Variants in GBE1 observed in about 807,000 individuals in gnomAD.
GBE1 encodes the protein 1,4-alpha-glucan-branching enzyme.
Under a neutral mutation model 88.8 loss-of-function variants are expected in GBE1, and 70 were observed. That is an observed-to-expected ratio of 0.79 (90% confidence interval 0.65 to 0.96). GBE1 has a LOEUF of 0.96. GBE1 is among the 40% of genes least tolerant of loss of function. GBE1 has a pLI of 0.00. For synonymous variants in GBE1, 284 were observed against 300.1 expected (o/e 0.95, Z 0.56); for missense variants, 872 against 871.0 (o/e 1.00, Z -0.01).
At chr3:81,644,719 G>A (rs192705178) in intron 6 of GBE1, among the ~76,000 whole-genome samples, 1 of 152,284 alleles carries the variant, frequency 6.6e-6, no homozygotes, top group Non-Finnish European at 1.5e-5. Context: ...ACAAAGGTAA[G>A]AGAAGGGGAA....
At chr3:81,506,044 G>T (rs1393504105) in intron 14 of GBE1, among the ~76,000 whole-genome samples, 1 of 152,074 alleles carries the variant, frequency 6.6e-6, no homozygotes, top group African/African-American at 2.4e-5. Context: ...GACACTAAAA[G>T]CAAAAACTGA....
intron 1 of GBE1, among the ~76,000 whole-genome samples, chr3:81,712,763 G>A (rs913532937): frequency 4.6e-5 from 7 of 151,952 alleles, no homozygotes; most frequent in South Asian, 2.1e-4. Flanking sequence ...AAACCTGCAC[G>A]TTGTGCACAT....
intron 14 of GBE1, 77 bp downstream of exon 14, chr3:81,535,118 T>G: frequency 3.4e-5 from 1 of 29,240 alleles, no homozygotes; most frequent in Non-Finnish European, 5.0e-5. Flanking sequence ...AACCTTAGTC[T>G]TTTTTTTTTT....
At chr3:81,574,037 T>C (rs904153355) in intron 12 of GBE1, among the ~76,000 whole-genome samples, 7 of 152,224 alleles carry the variant, frequency 4.6e-5, no homozygotes, top group African/African-American at 1.7e-4. Flanking sequence ...GACATCATTA[T>C]GACTAAAAAA....
intron 14 of GBE1, among the ~76,000 whole-genome samples, chr3:81,525,276 CTA>C (rs1304231290): frequency 1.3e-5 from 2 of 151,928 alleles, no homozygotes; most frequent in African/African-American, 4.8e-5. Flanking sequence ...TTTTCTTCAT[CTA>C]TTGAGATAAT....
intron 2 of GBE1, among the ~76,000 whole-genome samples, chr3:81,693,046 T>C (rs1261841818): frequency 6.6e-6 from 1 of 152,196 alleles, no homozygotes. Flanking sequence ...AAATTCACTT[T>C]AGTCTCCTTT....
chr3:81,698,586 ACTTT>A, intron 2 of GBE1, among the ~76,000 whole-genome samples: 1 of 152,322 alleles, frequency 6.6e-6, no homozygotes, highest in Middle Eastern at 3.4e-3. Context: ...ATATTCAATA[ACTTT>A]CTTTCCTGTC....
intron 2 of GBE1, among the ~76,000 whole-genome samples, chr3:81,686,801 C>T (rs971790320): frequency 5.9e-5 from 9 of 151,958 alleles, no homozygotes; most frequent in East Asian, 1.9e-4. Context: ...CTAAAACATA[C>T]GCAAACCACA....
Position 81,649,837 on chromosome 3 carries a change from T to C in GBE1, c.514A>G (p.Asn172Asp). ...KYVVREGDNVNYDWIHWDPEH... is the reference protein window; with the variant it reads ...KYVVREGDNVDYDWIHWDPEH... ...GGATCCCAGTGTATCCAATCATAAT[T>C]CACATTATCACCTTCACGAACCACA... is the stretch of plus-strand genomic sequence containing the variant. The change falls in exon 4 of 16, where the codon AAT becomes GAT. Residue 172 changes from asparagine to aspartate, a missense_variant. Physicochemically the swap from Asn to Asp is conservative, Grantham distance 23. Transcript: ENST00000429644. 1 of 1,611,650 alleles carries C rather than the reference T, an allele frequency of 6.2e-7. No homozygotes were observed. Among genetic ancestry groups the C allele is most frequent in the Non-Finnish European group, 8.5e-7 (1 of 1,178,228 alleles).
At chr3:81,660,131 G>A (rs1230791811) in intron 3 of GBE1, among the ~76,000 whole-genome samples, 3 of 152,174 alleles carry the variant, frequency 2.0e-5, no homozygotes, top group Admixed American at 2.0e-4. Flanking sequence ...ATGACTATCA[G>A]TAAGAAGTAG....
Position 81,670,896 on chromosome 3 carries a change from A to G in GBE1, c.371T>C (p.Leu124Pro). 1 of 1,581,642 alleles carries G rather than the reference A, an allele frequency of 6.3e-7. No individual in the cohort carries two copies. The highest frequency in any genetic ancestry group is 8.6e-7 in the Non-Finnish European group (1 of 1,167,548). ...TTTATTCTGCTTTGGTGGGATATAC[A>G]GCTCCCATTTTCCATAATCCAGTTT... ...YKKLDYGKWE[L>P]YIPPKQNKSV... Residue 124 changes from leucine (L) to proline (P), a missense_variant, in exon 3 of 16, where the codon CTG becomes CCG. Coordinates refer to ENST00000429644, the MANE Select transcript of GBE1 (RefSeq NM_000158.4).
intron 1 of GBE1, among the ~76,000 whole-genome samples, chr3:81,758,950 C>T (rs770327189): frequency 5.9e-5 from 9 of 152,164 alleles, no homozygotes; most frequent in South Asian, 2.1e-4. Context: ...CTTTCCCACG[C>T]TGTTCTCCTG....
At chr3:81,551,592 C>G (rs1333545914) in intron 12 of GBE1, among the ~76,000 whole-genome samples, 1 of 152,156 alleles carries the variant, frequency 6.6e-6, no homozygotes, top group African/African-American at 2.4e-5. Context: ...TGGAAGCCCC[C>G]TCCCCACTTC....
At position 81,577,994 on chromosome 3, in the gene GBE1, T is replaced by C. The variant is rs1369943617; in HGVS notation, c.1549A>G (p.Ile517Val). Residue 517 changes from isoleucine to valine, a missense_variant, in exon 12 of 16, where the codon ATA (isoleucine) becomes GTA (valine). Coordinates refer to ENST00000429644, the MANE Select transcript of GBE1 (RefSeq NM_000158.4). ...TPFTPVIDRGIQLHKMIRLIT... is the reference protein window; with the variant it reads ...TPFTPVIDRGVQLHKMIRLIT... ...AGTCGAATCATTTTATGAAGCTGTA[T>C]TCCACGATCAATAACTGGAGTAAAA... 1 of 1,609,890 alleles carries C rather than the reference T, an allele frequency of 6.2e-7. No homozygotes were observed. The highest frequency in any genetic ancestry group is 8.5e-7 in the Non-Finnish European group (1 of 1,178,386).
intron 15 of GBE1, among the ~76,000 whole-genome samples, chr3:81,495,249 C>T (rs973124760): frequency 7.9e-5 from 12 of 152,104 alleles, no homozygotes; most frequent in Non-Finnish European, 1.8e-4. Flanking sequence ...ATTAGCTGGG[C>T]GTGGTGGTGT....
At chr3:81,599,326 G>A (rs562479935) in intron 7 of GBE1, among the ~76,000 whole-genome samples, 113 of 151,466 alleles carry the variant, frequency 7.5e-4, no homozygotes, top group South Asian at 5.0e-3. Flanking sequence ...GCTTGTGTGC[G>A]TGTGTGTGTG....
At chr3:81,541,001 T>G (rs1703136459) in intron 12 of GBE1, among the ~76,000 whole-genome samples, 1 of 151,968 alleles carries the variant, frequency 6.6e-6, no homozygotes, top group Non-Finnish European at 1.5e-5. Context: ...CCTGATGACC[T>G]CCCCAACTCC....
At chr3:81,558,809 C>A (rs2106906378) in intron 12 of GBE1, among the ~76,000 whole-genome samples, 1 of 151,992 alleles carries the variant, frequency 6.6e-6, no homozygotes, top group East Asian at 1.9e-4. Context: ...AACATGTGAC[C>A]TTGAAGTCAA....
intron 3 of GBE1, among the ~76,000 whole-genome samples, chr3:81,654,183 ATAATT>A (rs1704896445): frequency 6.6e-6 from 1 of 152,204 alleles, no homozygotes; most frequent in Non-Finnish European, 1.5e-5. Flanking sequence ...GATTACATAA[ATAATT>A]TAATAAAAGA....
Sources: gnomAD v4.1 joint callset for allele counts (sites outside exome capture counted in the v4.1 genomes callset) on GRCh38, gnomAD v4.1.1 for gene constraint, MANE v1.5 for transcripts, NCBI Gene and HGNC (gene_info 2026-07-23, HGNC 2026-07-21) for gene names.